The following SLC7A14 variants were observed in gnomAD, a reference collection of about 807,000 sequenced individuals.
The protein encoded by SLC7A14 is solute carrier family 7 member 14.
Under a neutral mutation model 60.2 loss-of-function variants are expected in SLC7A14, and 37 were observed. The observed-to-expected ratio is 0.61, with a 90% CI of 0.47 to 0.81. The LOEUF (loss-of-function observed/expected upper bound fraction) is 0.81, where lower values mean the gene tolerates loss of function less well. SLC7A14 is among the 30% of genes least tolerant of loss of function. The pLI is 0.00. For missense variants in SLC7A14, 886 were observed against 982.7 expected (o/e 0.90, Z 1.32); for synonymous variants, 399 against 395.8 (o/e 1.01, Z -0.10).
At chr3:170,495,625 G>A (rs932179119) in intron 4 of SLC7A14, 2 of 794,202 alleles carry the variant, frequency 2.5e-6, no homozygotes, top group Non-Finnish European at 4.5e-6. Context: ...GGCATAGGAG[G>A]CATCACCACT....
At chr3:170,541,459 A>G (rs1714013792) in intron 1 of SLC7A14, among the ~76,000 whole-genome samples, 1 of 152,088 alleles carries the variant, frequency 6.6e-6, no homozygotes, top group African/African-American at 2.4e-5. Flanking sequence ...ATAAGGTGGC[A>G]TGGTGGCACA....
chr3:170,529,339 G>A (rs1271543630), intron 1 of SLC7A14, among the ~76,000 whole-genome samples: 1 of 152,150 alleles, frequency 6.6e-6, no homozygotes, highest in African/African-American at 2.4e-5. Context: ...CAATATGTTA[G>A]AATGTTTTCC....
rs548160668 is a variant in SLC7A14 at position 170,463,464 on chromosome 3, A to G, written c.*3591T>C. 1 of 152,268 alleles carries G rather than the reference A, an allele frequency of 6.6e-6. No homozygotes were observed. Among genetic ancestry groups the G allele is most frequent in the Admixed American group, 6.5e-5 (1 of 15,290 alleles). 9.4% of individuals were successfully genotyped at this position (152,268 alleles called of 1,614,324 possible). On this transcript the variant is annotated 3_prime_UTR_variant, in exon 8 of 8. Coordinates refer to ENST00000231706, the MANE Select transcript of SLC7A14 (RefSeq NM_020949.3). ...CCCCACAGCACATTACAAGTCCGTC[A>G]TCTCACCTGACACATTCACTATTGT...
At chr3:170,544,349 GAC>G (rs35781939) in intron 1 of SLC7A14, among the ~76,000 whole-genome samples, 1 of 151,914 alleles carries the variant, frequency 6.6e-6, no homozygotes, top group South Asian at 2.1e-4. Flanking sequence ...CACACACACA[GAC>G]ACACACACAA....
At chr3:170,468,378 G>A (rs1273360288) in intron 7 of SLC7A14, among the ~76,000 whole-genome samples, 1 of 151,746 alleles carries the variant, frequency 6.6e-6, no homozygotes, top group Non-Finnish European at 1.5e-5. Context: ...GCTCACTGCA[G>A]TCTCTGCCTC....
In SLC7A14 at chr3:170,466,543, A is replaced by G. The variant is rs967334449; in HGVS notation, c.*512T>C. ...AGAATGTTGGTGAATAAAAAGAAGCATGTGTCTTTTCCATGAATTAATTTT... is the reference window on the plus strand; with the variant it reads ...AGAATGTTGGTGAATAAAAAGAAGCGTGTGTCTTTTCCATGAATTAATTTT... On this transcript the variant is annotated 3_prime_UTR_variant, in exon 8 of 8. Coordinates refer to ENST00000231706, the MANE Select transcript of SLC7A14 (RefSeq NM_020949.3). 1.3e-5 allele frequency: 2 copies of G among 152,656 alleles called. No individual in the cohort carries two copies. The highest frequency in any genetic ancestry group is 4.8e-5 in the African/African-American group (2 of 41,462). 9.5% of individuals were successfully genotyped at this position (152,656 alleles called of 1,614,324 possible). A position where few individuals can be genotyped will look rare whatever the true frequency, so the allele number is the denominator to read the frequency against.
chr3:170,509,567 T>C (rs1156648446), intron 2 of SLC7A14, among the ~76,000 whole-genome samples: 2 of 152,216 alleles, frequency 1.3e-5, no homozygotes, highest in South Asian at 2.1e-4. Context: ...CCCAGCACTT[T>C]GGGAGGCCGA....
chr3:170,584,759 C>T (rs1374122625), intron 1 of SLC7A14, among the ~76,000 whole-genome samples: 1 of 152,204 alleles, frequency 6.6e-6, no homozygotes, highest in Non-Finnish European at 1.5e-5. Context: ...AGGAGAGCTA[C>T]CTTGCCCCCA....
At chr3:170,555,057 A>G (rs958243191) in intron 1 of SLC7A14, among the ~76,000 whole-genome samples, 1 of 151,822 alleles carries the variant, frequency 6.6e-6, no homozygotes, top group Non-Finnish European at 1.5e-5. Flanking sequence ...AATCCCAGTT[A>G]CTCGGGAGGC....
At chr3:170,553,641 C>A (rs1714409429) in intron 1 of SLC7A14, among the ~76,000 whole-genome samples, 1 of 152,158 alleles carries the variant, frequency 6.6e-6, no homozygotes, top group African/African-American at 2.4e-5. Flanking sequence ...GGAGGATGAG[C>A]TGAGGCTATG....
rs542849752 is a variant in SLC7A14 at position 170,514,727 on chromosome 3, G to A, written c.304+11906C>T. On this transcript the variant is annotated intron_variant, in intron 2 of 7. Transcript: ENST00000231706. ...GTCTACCCATTTTTTTGCTAGCGGC[G>A]GACTGAGGAGCTTCAGCATTGGAAC... Among the ~76,000 whole-genome samples the A allele has an allele frequency of 4.1e-4, 62 of 152,174 alleles. 1 individual carries two copies. Among genetic ancestry groups the A allele is most frequent in the African/African-American group, 1.2e-3 (51 of 41,506 alleles).
intron 4 of SLC7A14, among the ~76,000 whole-genome samples, chr3:170,495,382 C>T (rs569826362): frequency 2.6e-4 from 39 of 152,314 alleles, no homozygotes; most frequent in Admixed American, 5.2e-4. Context: ...AGCAGCTTCT[C>T]GGCTCCTTCT....
At chr3:170,497,635 G>T (rs1712450054) in intron 4 of SLC7A14, among the ~76,000 whole-genome samples, 1 of 152,180 alleles carries the variant, frequency 6.6e-6, no homozygotes, top group Non-Finnish European at 1.5e-5. Context: ...ATAGGACCAG[G>T]TAACCTCTAA....
At chr3:170,566,600 C>T (rs1714795846) in intron 1 of SLC7A14, among the ~76,000 whole-genome samples, 1 of 152,194 alleles carries the variant, frequency 6.6e-6, no homozygotes, top group Non-Finnish European at 1.5e-5. Flanking sequence ...TTGTCAGAAC[C>T]TTCCATCACT....
chr3:170,486,563 A>G (rs1413307200), intron 4 of SLC7A14, among the ~76,000 whole-genome samples, 195 bp from the exon 5 acceptor site: 1 of 152,154 alleles, frequency 6.6e-6, no homozygotes, highest in African/African-American at 2.4e-5. Flanking sequence ...CAACTCTCTT[A>G]TGATGTGTAA....
intron 1 of SLC7A14, among the ~76,000 whole-genome samples, chr3:170,560,222 T>G (rs1164336405): frequency 6.6e-6 from 1 of 151,940 alleles, no homozygotes; most frequent in Non-Finnish European, 1.5e-5. Context: ...GTCAGCAGAG[T>G]GGTAAGTGTG....
intron 5 of SLC7A14, among the ~76,000 whole-genome samples, chr3:170,485,748 A>AG (rs1047310040): frequency 1.3e-5 from 2 of 152,210 alleles, no homozygotes; most frequent in African/African-American, 4.8e-5. Context: ...CCCAGATTTA[A>AG]GGGGAAGAGA....
intron 1 of SLC7A14, among the ~76,000 whole-genome samples, chr3:170,571,194 A>G (rs1038652044): frequency 2.0e-5 from 3 of 152,188 alleles, no homozygotes; most frequent in Admixed American, 6.5e-5. Context: ...ATTACAGCTT[A>G]TTAGTCTTCC....
At chr3:170,483,586 A>G (rs981762221) in intron 5 of SLC7A14, 64 bp from the exon 6 acceptor site, 11 of 1,571,796 alleles carry the variant, frequency 7.0e-6, no homozygotes, top group African/African-American at 5.4e-5. Context: ...TAGAGGCCCC[A>G]CGGGAGAGGA....
Sources: allele counts gnomAD v4.1 joint callset (sites outside exome capture counted in the v4.1 genomes callset), GRCh38; gene constraint gnomAD v4.1.1; transcripts MANE v1.5; gene names NCBI Gene and HGNC (gene_info 2026-07-23, HGNC 2026-07-21).